ADAMTS16: variants seen among roughly 807,000 people sequenced by gnomAD.
The protein encoded by ADAMTS16 is A disintegrin and metalloproteinase with thrombospondin motifs 16.
A neutral mutation model predicts 145.8 loss-of-function variants in ADAMTS16; 94 were observed. The observed-to-expected ratio is 0.64, with a 90% CI of 0.55 to 0.77. ADAMTS16 has a LOEUF of 0.77. Among genes scored for constraint, ADAMTS16 ranks in the 30% least tolerant of loss-of-function variants. The pLI, the probability that ADAMTS16 is intolerant of heterozygous loss-of-function variation, is 0.00. For synonymous variants in ADAMTS16, 659 were observed against 604.3 expected, an observed-to-expected ratio of 1.09 and a Z score of -1.33; for missense variants, 1,585 against 1,591.5, an observed-to-expected ratio of 1.00 and a Z score of 0.07.
intron 11 of ADAMTS16, among the ~76,000 whole-genome samples, chr5:5,224,982 T>C (rs537815979): frequency 6.6e-6 from 1 of 152,272 alleles, no homozygotes; most frequent in East Asian, 1.9e-4. Context: ...ATATTTGACA[T>C]TATTTTCCCT....
In ADAMTS16 at chr5:5,198,600, T is replaced by C. The variant is rs368065017; in HGVS notation, c.1314-1532T>C. Among the ~76,000 whole-genome samples, 7 of 152,314 alleles carry C rather than the reference T, an allele frequency of 4.6e-5. No homozygotes were observed. The South Asian group carries it at 6.2e-4, about 14-fold the overall frequency. On this transcript the variant is annotated intron_variant, in intron 8 of 22. Transcript: ENST00000274181. ...TTGCTGTCTTTATATTAAAGCTACC[T>C]TGTAGAGCTGTGTTGAGTTTTAAAT... is the stretch of plus-strand genomic sequence containing the variant.
intron 17 of ADAMTS16, among the ~76,000 whole-genome samples, chr5:5,244,827 C>T (rs1257022869): frequency 6.6e-6 from 1 of 152,166 alleles, no homozygotes. Flanking sequence ...AATGAGGAGA[C>T]GACCTTACAC....
At chr5:5,159,992 C>T (rs72647741) in intron 3 of ADAMTS16, among the ~76,000 whole-genome samples, 2,406 of 152,222 alleles carry the variant, frequency 0.016, 29 homozygotes, top group Middle Eastern at 0.078. Context: ...TGTTACTATT[C>T]CCTTTGCAGG....
Position 5,245,904 on chromosome 5 carries a change from T to C in ADAMTS16, c.2662+3713T>C, listed in dbSNP as rs534658981. On this transcript the variant is annotated intron_variant, in intron 17 of 22. Coordinates refer to ENST00000274181, the MANE Select transcript of ADAMTS16 (RefSeq NM_139056.4). ...ATAACTGCATTTTTTAATTTCAATGTTCCTGCTTCGTCATGCTCTAACTGG... is the reference window on the plus strand; with the variant it reads ...ATAACTGCATTTTTTAATTTCAATGCTCCTGCTTCGTCATGCTCTAACTGG... Among the ~76,000 whole-genome samples, 3 of 152,320 alleles carry C rather than the reference T, an allele frequency of 2.0e-5. No homozygotes were observed. In the East Asian group the frequency reaches 5.8e-4, roughly 29 times the overall value.
chr5:5,285,204 G>A (rs532816652), intron 18 of ADAMTS16, among the ~76,000 whole-genome samples: 42 of 152,254 alleles, frequency 2.8e-4, no homozygotes, highest in Admixed American at 1.8e-3. Flanking sequence ...ATAATTGTAT[G>A]GCCTTATAGA....
At chr5:5,237,359 A>G (rs1737140293) in intron 14 of ADAMTS16, among the ~76,000 whole-genome samples, 1 of 152,170 alleles carries the variant, frequency 6.6e-6, no homozygotes, top group Non-Finnish European at 1.5e-5. Context: ...TCCTAGGAGA[A>G]GGGAACATCC....
At chr5:5,276,144 C>T (rs1477478869) in intron 18 of ADAMTS16, among the ~76,000 whole-genome samples, 2 of 152,074 alleles carry the variant, frequency 1.3e-5, no homozygotes, top group African/African-American at 4.8e-5. Context: ...CAGGTGTGAG[C>T]CACAGTGCCC....
At chr5:5,156,064 G>A (rs1047127877) in intron 3 of ADAMTS16, among the ~76,000 whole-genome samples, 3 of 152,102 alleles carry the variant, frequency 2.0e-5, no homozygotes, top group Non-Finnish European at 4.4e-5. Context: ...AGACAGGAAA[G>A]AGCAGGTTCT....
At chr5:5,155,525 C>G (rs550233909) in intron 3 of ADAMTS16, among the ~76,000 whole-genome samples, 1 of 152,178 alleles carries the variant, frequency 6.6e-6, no homozygotes, top group East Asian at 1.9e-4. Context: ...ATATACTGCC[C>G]CTGGGGCTGA....
chr5:5,283,317 C>T (rs1008793769), intron 18 of ADAMTS16, among the ~76,000 whole-genome samples: 8 of 152,172 alleles, frequency 5.3e-5, no homozygotes, highest in Admixed American at 2.6e-4. Flanking sequence ...TCCATCTTCT[C>T]AGCATGACTA....
At chr5:5,198,339 A>G (rs1735864551) in intron 8 of ADAMTS16, among the ~76,000 whole-genome samples, 1 of 152,214 alleles carries the variant, frequency 6.6e-6, no homozygotes. Context: ...TGCCTTTAAT[A>G]GAACTTCAGA....
intron 5 of ADAMTS16, among the ~76,000 whole-genome samples, chr5:5,187,353 T>C (rs1372954594): frequency 1.3e-5 from 2 of 152,196 alleles, no homozygotes; most frequent in Admixed American, 6.5e-5. Flanking sequence ...TTGTATCCTC[T>C]TGGAATCCCA....
intron 8 of ADAMTS16, among the ~76,000 whole-genome samples, chr5:5,198,465 C>A (rs142043707): frequency 6.6e-6 from 1 of 152,132 alleles, no homozygotes; most frequent in African/African-American, 2.4e-5. Flanking sequence ...CCTTCAATCA[C>A]GTTCAGGTTA....
At chr5:5,169,689 A>G (rs1734996591) in intron 3 of ADAMTS16, among the ~76,000 whole-genome samples, 1 of 152,092 alleles carries the variant, frequency 6.6e-6, no homozygotes, top group African/African-American at 2.4e-5. Flanking sequence ...ATGTTCATAG[A>G]CCATTCACGG....
intron 5 of ADAMTS16, among the ~76,000 whole-genome samples, 164 bp downstream of exon 5, chr5:5,186,415 A>G (rs985970944): frequency 5.0e-4 from 76 of 151,966 alleles, no homozygotes; most frequent in African/African-American, 1.7e-3. Context: ...TTAGTTTTCT[A>G]TGCTCCAATG....
At position 5,239,874 on chromosome 5, in the gene ADAMTS16, G is replaced by A. The variant is rs1203585246; in HGVS notation, c.2472G>A (p.Glu824=). The A allele has an allele frequency of 1.9e-6, 3 of 1,614,074 alleles. No homozygotes were observed. Among genetic ancestry groups the A allele is most frequent in the Non-Finnish European group, 2.5e-6 (3 of 1,180,034 alleles). The stretch of plus-strand genomic sequence containing the variant: ...TCGACTACAGACGGTCCTATAATGA[G>A]CCCGAGAACTTAATCGCTACTGGAC... ...TTFDYRRSYN[E]PENLIATGPT... The change falls in exon 16 of 23, where the codon GAG becomes GAA. Residue 824 remains glutamate, a synonymous_variant. Transcript: ENST00000274181.
chr5:5,147,101 G>C (rs1481890181), intron 3 of ADAMTS16, among the ~76,000 whole-genome samples: 1 of 152,160 alleles, frequency 6.6e-6, no homozygotes, highest in East Asian at 1.9e-4. Flanking sequence ...GCCGAGCTAA[G>C]AATCTACCTG....
intron 5 of ADAMTS16, 143 bp from the exon 6 acceptor site, chr5:5,187,582 T>G: frequency 1.5e-6 from 1 of 670,992 alleles, no homozygotes; most frequent in Non-Finnish European, 2.7e-6. Context: ...GTGATATGAT[T>G]AATACATCTG....
intron 8 of ADAMTS16, among the ~76,000 whole-genome samples, chr5:5,194,357 A>C (rs570658818): frequency 6.6e-6 from 1 of 152,338 alleles, no homozygotes; most frequent in African/African-American, 2.4e-5. Context: ...TGATAATAGT[A>C]GTGTCTGCTC....
Sources: allele counts gnomAD v4.1 joint callset (sites outside exome capture counted in the v4.1 genomes callset), GRCh38; gene constraint gnomAD v4.1.1; transcripts MANE v1.5; gene names NCBI Gene and HGNC (gene_info 2026-07-23, HGNC 2026-07-21).